Variants in NBPF20 observed in about 807,000 individuals in gnomAD.
NBPF20 encodes NBPF member 20, also known as NBPF family member NBPF20.
In NBPF20, 90 loss-of-function variants were observed where a neutral mutation model predicts 68.1. The observed-to-expected ratio is 1.32, with a 90% CI of 1.11 to 1.58. The LOEUF (loss-of-function observed/expected upper bound fraction) is 1.58, where lower values mean the gene tolerates loss of function less well. Ranked by LOEUF, NBPF20 falls within the 40% of genes most tolerant of loss-of-function variation. The pLI is 0.00. For synonymous variants in NBPF20, 290 were observed against 228.1 expected (o/e 1.27, Z -2.45); for missense variants, 816 against 601.2 (o/e 1.36, Z -3.74).
chr1:145,309,504 A>G (rs1292870276), intron 115 of NBPF20, among the ~76,000 whole-genome samples: 3 of 77,600 alleles, frequency 3.9e-5, no homozygotes, highest in Admixed American at 1.3e-4. Context: ...ACACAGAGAG[A>G]GAGAACGAGC....
chr1:145,352,547 G>A (rs1661669897), intron 61 of NBPF20, among the ~76,000 whole-genome samples, 195 bp downstream of exon 66: 2 of 16,004 alleles, frequency 1.2e-4, no homozygotes, highest in Admixed American at 1.0e-3. Flanking sequence ...CCTACAGTAG[G>A]TTAGTAAATG....
At chr1:145,410,667 G>A in the NBPF20 span, among the ~76,000 whole-genome samples, 15 of 148,724 alleles carry the variant, frequency 1.0e-4, 1 homozygote, top group Non-Finnish European at 1.9e-4. Flanking sequence ...GTTTCAATGT[G>A]CTGTTTATCT....
At position 145,291,885 on chromosome 1, in the gene NBPF20, T is replaced by C. The variant is rs1320353831; in HGVS notation, c.16698-116A>G. 5.7e-6 allele frequency: 9 copies of C among 1,583,662 alleles called. No homozygotes were observed. In the East Asian group the frequency reaches 6.7e-5, roughly 12 times the overall value. On this transcript the variant is annotated intron_variant, in intron 137 of 137. Transcript: ENST00000369373. ...TTAGAAAAGAAAAAGGATAGATCCATTAATGAGGTAAAAAAAAAATTTATT... is the reference window on the plus strand; with the variant it reads ...TTAGAAAAGAAAAAGGATAGATCCACTAATGAGGTAAAAAAAAAATTTATT...
the NBPF20 span, among the ~76,000 whole-genome samples, chr1:145,424,503 T>A: frequency 2.6e-5 from 4 of 152,218 alleles, no homozygotes; most frequent in Non-Finnish European, 5.9e-5. Context: ...TTTCTTTAAC[T>A]TCGTGAAGCA....
chr1:145,417,894 C>T, the NBPF20 span, among the ~76,000 whole-genome samples: 1 of 136,412 alleles, frequency 7.3e-6, no homozygotes, highest in South Asian at 2.6e-4. Flanking sequence ...TAAGTTCATT[C>T]AAAATCCTGC....
intron 6 of NBPF20, among the ~76,000 whole-genome samples, chr1:145,399,413 G>T (rs1249299714): frequency 6.6e-6 from 1 of 152,090 alleles, no homozygotes; most frequent in South Asian, 2.1e-4. Flanking sequence ...TAAGAGTGCT[G>T]CTGCGATACG....
intron 9 of NBPF20, chr1:145,393,576 G>C: frequency 1.5e-6 from 1 of 647,524 alleles, no homozygotes. Context: ...GACACACTGT[G>C]AACAGTGATC....
chr1:145,366,654 G>A (rs1661704390), intron 43 of NBPF20, among the ~76,000 whole-genome samples: 1 of 54,490 alleles, frequency 1.8e-5, no homozygotes, highest in Non-Finnish European at 3.3e-5. Flanking sequence ...ACTGATGAGG[G>A]AGTAACAGGA....
rs1352886111 is a variant in NBPF20, at chr1:145,400,990, G to C, written c.566+69C>G. The C allele has an allele frequency of 2.0e-6, 3 of 1,530,838 alleles. No homozygotes were observed. In the East Asian group the frequency reaches 6.7e-5, roughly 34 times the overall value. The allele number at this position is 1,530,838 out of a possible 1,614,324, so 94.8% of individuals were successfully genotyped here. On this transcript the variant is annotated intron_variant, in intron 5 of 137. Transcript: ENST00000369373. ...TTTTTGGCCGATCATAGATGCCAGA[G>C]AGGGTGTGCCTCCTAGATATTCCTC...
the NBPF20 span, among the ~76,000 whole-genome samples, chr1:145,425,220 G>GCC: frequency 1.4e-5 from 2 of 140,894 alleles, no homozygotes; most frequent in Admixed American, 1.5e-4. Flanking sequence ...CGGAACACAC[G>GCC]CCCCCCCCAA....
At chr1:145,393,721 C>G in intron 9 of NBPF20, 163 bp downstream of exon 14, 1 of 1,499,392 alleles carries the variant, frequency 6.7e-7, no homozygotes. Flanking sequence ...GAAATGGAAA[C>G]CTAAACATGT....
At chr1:145,419,431 T>C in the NBPF20 span, among the ~76,000 whole-genome samples, 4 of 152,194 alleles carry the variant, frequency 2.6e-5, no homozygotes, top group South Asian at 4.1e-4. Flanking sequence ...ATAATTCCTC[T>C]GGCCCACTGT....
Position 145,292,022 on chromosome 1 carries a change from T to G in NBPF20, c.16698-253A>C, listed in dbSNP as rs587701441. ...AAAGTGACCTAGTGAATTGCCCAGG[T>G]GACATACTGGTAAGGGAGTCAAAGG... On this transcript the variant is annotated intron_variant, in intron 137 of 137. Coordinates refer to ENST00000369373, the Ensembl canonical transcript of NBPF20. 6.6e-4 allele frequency among the ~76,000 whole-genome samples: 99 copies of G among 149,608 alleles called. 7 individuals carry two copies. Among genetic ancestry groups the G allele is most frequent in the African/African-American group, 2.4e-3 (92 of 39,068 alleles).
upstream of NBPF20, among the ~76,000 whole-genome samples, chr1:145,408,780 C>T (rs1187587733): frequency 6.6e-6 from 1 of 151,922 alleles, no homozygotes; most frequent in Non-Finnish European, 1.5e-5. Context: ...CTTTTAGGGG[C>T]CTCGTACCTG....
intron 2 of NBPF20, among the ~76,000 whole-genome samples, chr1:145,404,343 C>T (rs1387154106): frequency 7.2e-5 from 11 of 152,034 alleles, no homozygotes; most frequent in Non-Finnish European, 1.5e-4. Context: ...ACTGCAACAT[C>T]TGCCTGCTGG....
At chr1:145,396,890 G>T (rs1444695948) in intron 7 of NBPF20, among the ~76,000 whole-genome samples, 1 of 127,422 alleles carries the variant, frequency 7.8e-6, no homozygotes, top group Non-Finnish European at 1.6e-5. Flanking sequence ...TTAACATTAG[G>T]TATATCTCCT....
chr1:145,425,183 C>G, the NBPF20 span, among the ~76,000 whole-genome samples: 1 of 152,184 alleles, frequency 6.6e-6, no homozygotes, highest in African/African-American at 2.4e-5. Context: ...AGGAATCCAA[C>G]GCATGGAACT....
At chr1:145,408,241 CATTTT>C (rs1288979170), upstream of NBPF20, 1 of 161,950 alleles carries the variant, frequency 6.2e-6, no homozygotes, top group Admixed American at 6.5e-5. Flanking sequence ...ATACACACAC[CATTTT>C]AATTTCAGGA....
At position 145,394,968 on chromosome 1, in the gene NBPF20, T is replaced by C; in HGVS notation, c.991+10A>G. The C allele has an allele frequency of 4.3e-6, 7 of 1,611,806 alleles. No homozygotes were observed. Among genetic ancestry groups the C allele is most frequent in the African/African-American group, 1.3e-5 (1 of 74,912 alleles). On this transcript the variant is annotated intron_variant, in intron 8 of 137. Transcript: ENST00000369373. ...CTGGAGCTTTATCACCTTCACAGTG[T>C]AGTACTCACTGCCTATGTCAACAGC...
Sources: gnomAD v4.1 joint callset for allele counts (sites outside exome capture counted in the v4.1 genomes callset) on GRCh38, gnomAD v4.1.1 for gene constraint, MANE v1.5 for transcripts, NCBI Gene and HGNC (gene_info 2026-07-23, HGNC 2026-07-21) for gene names.